Variants in FOXN3 observed in about 807,000 individuals in gnomAD.
The protein encoded by FOXN3 is forkhead box protein N3.
Under a neutral mutation model 38.4 loss-of-function variants are expected in FOXN3, and 7 were observed. The observed-to-expected ratio is 0.18, with a 90% CI of 0.10 to 0.34. FOXN3 has a LOEUF of 0.34. FOXN3 is among the 10% of genes least tolerant of loss of function. FOXN3 has a pLI of 1.00. For missense variants in FOXN3, 456 were observed against 613.4 expected, an observed-to-expected ratio of 0.74 and a Z score of 2.71; for synonymous variants, 230 against 242.2, an observed-to-expected ratio of 0.95 and a Z score of 0.47.
intron 1 of FOXN3, among the ~76,000 whole-genome samples, chr14:89,514,538 A>G (rs769705398): frequency 1.2e-4 from 19 of 152,196 alleles, no homozygotes; most frequent in Non-Finnish European, 2.5e-4. Flanking sequence ...CACAGACATC[A>G]TCTACCGTAA....
chr14:89,506,130 C>A lies in FOXN3; in HGVS notation c.-14-93640G>T, dbSNP rs865952410. Among the ~76,000 whole-genome samples, 412 of 128,486 alleles carry A rather than the reference C, an allele frequency of 3.2e-3. 1 individual carries two copies. Among genetic ancestry groups the A allele is most frequent in the African/African-American group, 0.011 (394 of 35,090 alleles). 84.3% of individuals were successfully genotyped at this position (128,486 alleles called of 152,430 possible). ...GTCCGGGAGGTGAGGGGCGCCTCTG[C>A]CCGGCCGCCCCTACTGGGAAGTGAG... On this transcript the variant is annotated intron_variant, in intron 1 of 6. Coordinates refer to the FOXN3 transcript ENST00000345097.
chr14:89,347,578 T>A (rs572322468), intron 3 of FOXN3, among the ~76,000 whole-genome samples: 1 of 152,156 alleles, frequency 6.6e-6, no homozygotes, highest in African/African-American at 2.4e-5. Flanking sequence ...TGCACTTCGA[T>A]TAAAAACAAT....
intron 4 of FOXN3, among the ~76,000 whole-genome samples, chr14:89,273,479 A>G (rs537128372): frequency 6.6e-6 from 1 of 152,364 alleles, no homozygotes; most frequent in South Asian, 2.1e-4. Context: ...ACAGGAAAAT[A>G]CAGGATATCT....
chr14:89,362,133 T>C (rs201863265), intron 2 of FOXN3, among the ~76,000 whole-genome samples: 56 of 3,118 alleles, frequency 0.018, no homozygotes, highest in African/African-American at 0.034. Context: ...CCTCCACCAC[T>C]ACCACCTCCA....
intron 3 of FOXN3, among the ~76,000 whole-genome samples, chr14:89,335,005 T>G (rs1462382551): frequency 6.6e-6 from 1 of 151,766 alleles, no homozygotes; most frequent in Non-Finnish European, 1.5e-5. Context: ...GACCCCATGA[T>G]CTGCCCGCCT....
intron 1 of FOXN3, among the ~76,000 whole-genome samples, chr14:89,585,770 AAAG>A (rs1895829164): frequency 8.6e-5 from 13 of 151,766 alleles, no homozygotes. Context: ...AAAAAAAAAA[AAAG>A]AAAGGAAGGA....
intron 3 of FOXN3, among the ~76,000 whole-genome samples, chr14:89,302,938 T>C (rs916435361): frequency 4.1e-4 from 62 of 152,182 alleles, no homozygotes; most frequent in African/African-American, 1.4e-3. Flanking sequence ...ATTCTTTGCC[T>C]GCACTAAACT....
chr14:89,524,399 A>AAAAAAAAAAAAAAAAAAAAAAAAAAAC (rs1894390537), intron 1 of FOXN3, among the ~76,000 whole-genome samples: 1 of 93,764 alleles, frequency 1.1e-5, no homozygotes, highest in Non-Finnish European at 2.0e-5. Flanking sequence ...AAAAAAAAAA[A>AAAAAAAAAAAAAAAAAAAAAAAAAAAC]AAAAGAAAGA....
intron 1 of FOXN3, among the ~76,000 whole-genome samples, chr14:89,528,114 A>G (rs1455334763): frequency 3.9e-5 from 6 of 152,206 alleles, no homozygotes; most frequent in African/African-American, 1.4e-4. Context: ...ACAGTTTCTT[A>G]AAAAGTTGAA....
intron 1 of FOXN3, among the ~76,000 whole-genome samples, chr14:89,505,892 G>A (rs1321765708): frequency 4.1e-5 from 6 of 146,326 alleles, no homozygotes; most frequent in East Asian, 2.0e-4. Context: ...CTGCCGCCCC[G>A]TCTGGGATGT....
intron 3 of FOXN3, among the ~76,000 whole-genome samples, chr14:89,343,447 TTC>T (rs1407585167): frequency 6.6e-6 from 1 of 151,036 alleles, no homozygotes; most frequent in Non-Finnish European, 1.5e-5. Flanking sequence ...TCTGTACAAT[TTC>T]TATACCCTTA....
At chr14:89,497,897 C>T (rs546910814) in intron 1 of FOXN3, among the ~76,000 whole-genome samples, 9 of 149,498 alleles carry the variant, frequency 6.0e-5, no homozygotes, top group Non-Finnish European at 1.3e-4. Flanking sequence ...CTTCACCACA[C>T]TTGTTATTTC....
chr14:89,535,088 T>G (rs1443215762), intron 1 of FOXN3, among the ~76,000 whole-genome samples: 1 of 152,244 alleles, frequency 6.6e-6, no homozygotes. Flanking sequence ...ACGCAGTGAC[T>G]ATAAAGGACA....
At chr14:89,176,485 C>T (rs768205910) in intron 5 of FOXN3, among the ~76,000 whole-genome samples, 3 of 152,282 alleles carry the variant, frequency 2.0e-5, no homozygotes, top group Non-Finnish European at 4.4e-5. Context: ...ATGACTCTCC[C>T]GCCCTCCCTG....
At chr14:89,578,002 T>G (rs890982589) in intron 1 of FOXN3, among the ~76,000 whole-genome samples, 3 of 152,216 alleles carry the variant, frequency 2.0e-5, no homozygotes, top group African/African-American at 7.2e-5. Context: ...TTGGTGGATT[T>G]GCAACCTAGC....
At chr14:89,491,068 G>A (rs777670629) in intron 1 of FOXN3, among the ~76,000 whole-genome samples, 7 of 152,036 alleles carry the variant, frequency 4.6e-5, no homozygotes, top group African/African-American at 7.2e-5. Flanking sequence ...TCCGCCTCCC[G>A]GGTTCAAGCG....
chr14:89,470,294 TAAA>T (rs11461203), intron 1 of FOXN3, among the ~76,000 whole-genome samples: 59 of 148,162 alleles, frequency 4.0e-4, no homozygotes, highest in Admixed American at 6.0e-4. Context: ...TCTGACTTTC[TAAA>T]AAAAAAAAAA....
intron 1 of FOXN3, among the ~76,000 whole-genome samples, chr14:89,580,902 G>T (rs1485359233): frequency 1.3e-5 from 2 of 152,144 alleles, no homozygotes; most frequent in Admixed American, 1.3e-4. Flanking sequence ...GGGGGAAATG[G>T]CCAGGTGTGT....
chr14:89,294,456 G>A (rs1040260736), intron 3 of FOXN3, among the ~76,000 whole-genome samples: 3 of 152,156 alleles, frequency 2.0e-5, no homozygotes, highest in African/African-American at 4.8e-5. Flanking sequence ...TGCCAGAGGC[G>A]TCTGAACCAC....
Sources: gnomAD v4.1 joint callset for allele counts (sites outside exome capture counted in the v4.1 genomes callset) on GRCh38, gnomAD v4.1.1 for gene constraint, MANE v1.5 for transcripts, NCBI Gene and HGNC (gene_info 2026-07-23, HGNC 2026-07-21) for gene names.